TRIQK: variants seen among roughly 807,000 people sequenced by gnomAD.
The protein encoded by TRIQK is triple QxxK/R motif containing, also known as triple QxxK/R motif-containing protein.
Under a neutral mutation model 10.8 loss-of-function variants are expected in TRIQK, and 10 were observed. That is an observed-to-expected ratio of 0.92 (90% CI 0.57 to 1.57). The LOEUF (loss-of-function observed/expected upper bound fraction) is 1.57. Ranked by LOEUF, TRIQK falls within the 40% of genes most tolerant of loss-of-function variation. The pLI is 0.00. For synonymous variants in TRIQK, 33 were observed against 33.7 expected (o/e 0.98, Z 0.07); for missense variants, 107 against 97.7 (o/e 1.09, Z -0.40).
At chr8:92,933,106 G>C (rs1810817125) in intron 2 of TRIQK, among the ~76,000 whole-genome samples, 1 of 151,998 alleles carries the variant, frequency 6.6e-6, no homozygotes, top group Non-Finnish European at 1.5e-5. Flanking sequence ...TAAGGAGAGA[G>C]AGCTAGGAAA....
At chr8:92,943,425 T>C (rs1285594268) in intron 2 of TRIQK, among the ~76,000 whole-genome samples, 2 of 152,110 alleles carry the variant, frequency 1.3e-5, no homozygotes, top group Admixed American at 1.3e-4. Context: ...CTTTCAAATA[T>C]ACTATGAAGC....
rs1816324966 is a variant in TRIQK at position 92,883,704 on chromosome 8, A to G, written c.*2918T>C. The G allele has an allele frequency of 6.6e-6, 1 of 151,790 alleles. No homozygotes were observed. Among genetic ancestry groups the G allele is most frequent in the Admixed American group, 6.6e-5 (1 of 15,192 alleles). The allele number at this position is 151,790 out of a possible 1,614,324, so 9.4% of individuals were successfully genotyped here. ...CACTACTGCAATTACAGAAATGAGT[A>G]AGAACATACTCTCAAGATCTTACAG... On this transcript the variant is annotated 3_prime_UTR_variant, in exon 5 of 5. Coordinates refer to ENST00000521988, the MANE Select transcript of TRIQK (RefSeq NM_001171797.2).
Position 92,917,012 on chromosome 8 carries a change from TGAAAA to T in TRIQK, c.-21-7_-21-3del. The T allele has an allele frequency of 6.8e-7, 1 of 1,477,436 alleles. No homozygotes were observed. The highest frequency in any genetic ancestry group is 8.9e-7 in the Non-Finnish European group (1 of 1,122,270). The allele number at this position is 1,477,436 out of a possible 1,614,324, so 91.5% of individuals were successfully genotyped here. On this transcript the variant is annotated splice_region_variant and splice_polypyrimidine_tract_variant and intron_variant, in intron 2 of 4. Transcript: ENST00000521988. The stretch of plus-strand genomic sequence containing the variant: ...CATCTTTGATCTCCAAAATGCCTGC[TGAAAA>T]GAAAACAATTATAATGAAAATTTTT...
intron 1 of TRIQK, among the ~76,000 whole-genome samples, chr8:92,987,639 T>TGAA (rs1232382495): frequency 6.6e-6 from 1 of 152,160 alleles, no homozygotes; most frequent in Admixed American, 6.5e-5. Flanking sequence ...TTGTAGTGGG[T>TGAA]GAATATATGA....
At chr8:92,970,455 C>G (rs527736347), upstream of TRIQK, among the ~76,000 whole-genome samples, 11 of 152,262 alleles carry the variant, frequency 7.2e-5, no homozygotes, top group East Asian at 2.1e-3. Context: ...ACAGTCTCAC[C>G]AGCATCTGTT....
At chr8:92,893,036 C>T (rs1204055172) in intron 3 of TRIQK, among the ~76,000 whole-genome samples, 1 of 151,812 alleles carries the variant, frequency 6.6e-6, no homozygotes, top group African/African-American at 2.4e-5. Flanking sequence ...TTCATCTTTT[C>T]CCCTTCCTTT....
At chr8:92,911,117 C>A (rs1284286042) in intron 3 of TRIQK, among the ~76,000 whole-genome samples, 2 of 150,794 alleles carry the variant, frequency 1.3e-5, no homozygotes, top group African/African-American at 2.4e-5. Context: ...GGCTAAAAAT[C>A]AATTTGAGAA....
At chr8:92,960,098 C>A (rs1812374465) in intron 1 of TRIQK, among the ~76,000 whole-genome samples, 1 of 151,770 alleles carries the variant, frequency 6.6e-6, no homozygotes, top group African/African-American at 2.4e-5. Flanking sequence ...CCCTTTCTTC[C>A]TTCATAGGTC....
chr8:92,968,941 G>A (rs937066033), upstream of TRIQK, among the ~76,000 whole-genome samples: 5 of 152,072 alleles, frequency 3.3e-5, no homozygotes, highest in Admixed American at 2.6e-4. Flanking sequence ...TAGGTCTTAC[G>A]TTTAAGTCTT....
rs889605492 is a variant in TRIQK at position 92,883,834 on chromosome 8, T to C, written c.*2788A>G. ...TTAAAACAACTACCCACCCTACATTTGTACTAAAATAGGCTTTTGCTTGTT... is the reference window on the plus strand; with the variant it reads ...TTAAAACAACTACCCACCCTACATTCGTACTAAAATAGGCTTTTGCTTGTT... On this transcript the variant is annotated 3_prime_UTR_variant, in exon 5 of 5. Transcript: ENST00000521988. 2.6e-5 allele frequency: 4 copies of C among 151,734 alleles called. No individual in the cohort carries two copies. The highest frequency in any genetic ancestry group is 5.9e-5 in the Non-Finnish European group (4 of 67,816). 9.4% of individuals were successfully genotyped at this position (151,734 alleles called of 1,614,324 possible).
intron 1 of TRIQK, chr8:92,965,086 C>G (rs960525688): frequency 1.3e-4 from 20 of 152,122 alleles, no homozygotes; most frequent in Admixed American, 1.3e-3. Flanking sequence ...TCTGAGGTTA[C>G]CATCTCACAC....
At chr8:93,007,207 G>A (rs995947705) in intron 1 of TRIQK, among the ~76,000 whole-genome samples, 1 of 152,188 alleles carries the variant, frequency 6.6e-6, no homozygotes, top group African/African-American at 2.4e-5. Context: ...GGTACAGGAG[G>A]GGCCCAGACG....
At chr8:92,915,069 T>C (rs150918628) in intron 3 of TRIQK, among the ~76,000 whole-genome samples, 4 of 152,214 alleles carry the variant, frequency 2.6e-5, no homozygotes, top group African/African-American at 7.2e-5. Flanking sequence ...ATGGATGAAA[T>C]TGGAGGACAT....
chr8:92,974,719 A>G (rs1812912831), intron 1 of TRIQK: 1 of 152,262 alleles, frequency 6.6e-6, no homozygotes, highest in African/African-American at 2.4e-5. Flanking sequence ...GATGCTGGCC[A>G]GTGGCCCTGA....
At chr8:92,891,941 A>C (rs779097573) in intron 4 of TRIQK, 48 bp downstream of exon 4, 106 of 1,281,480 alleles carry the variant, frequency 8.3e-5, no homozygotes, top group Non-Finnish European at 1.1e-4. Flanking sequence ...TTAGAAAATG[A>C]AATGGCATGC....
rs142807153 is a variant in TRIQK at position 92,947,722 on chromosome 8, A to G, written c.-22+6684T>C. ...TTACTATTTCAATAATGAAGCCCATAAACTACATCCATTACTTAATTCTTT... is the reference window on the plus strand; with the variant it reads ...TTACTATTTCAATAATGAAGCCCATGAACTACATCCATTACTTAATTCTTT... On this transcript the variant is annotated intron_variant, in intron 2 of 4. Coordinates refer to ENST00000521988, the MANE Select transcript of TRIQK (RefSeq NM_001171797.2). Among the ~76,000 whole-genome samples, 458 of 152,202 alleles carry G rather than the reference A, an allele frequency of 3.0e-3. 16 individuals are homozygous for G. In the East Asian group the frequency reaches 0.062, roughly 21 times the overall value.
intron 1 of TRIQK, among the ~76,000 whole-genome samples, chr8:92,981,425 T>C (rs1029556918): frequency 6.6e-6 from 1 of 151,968 alleles, no homozygotes; most frequent in Non-Finnish European, 1.5e-5. Context: ...TATTATGTAT[T>C]TCTATTTCAA....
chr8:93,010,445 T>C (rs13438838), intron 1 of TRIQK, among the ~76,000 whole-genome samples: 21,454 of 151,992 alleles, frequency 0.14, 1,533 homozygotes, highest in East Asian at 0.19. Flanking sequence ...ATAAGAAGTA[T>C]TTCAATACAT....
At position 92,928,559 on chromosome 8, in the gene TRIQK, C is replaced by T. The variant is rs963314093; in HGVS notation, c.-21-11549G>A. Among the ~76,000 whole-genome samples the T allele has an allele frequency of 7.9e-5, 12 of 152,176 alleles. 1 individual carries two copies. The highest frequency in any genetic ancestry group is 7.2e-4 in the Admixed American group (11 of 15,274). On this transcript the variant is annotated intron_variant, in intron 2 of 4. Coordinates refer to ENST00000521988, the MANE Select transcript of TRIQK (RefSeq NM_001171797.2). ...TTAGGGGCTAAAGTATATGGATCTC[C>T]AGTTTTGTTTTGTTTTTAAATTTCC... is the stretch of plus-strand genomic sequence containing the variant.
Sources: allele counts gnomAD v4.1 joint callset (sites outside exome capture counted in the v4.1 genomes callset), GRCh38; gene constraint gnomAD v4.1.1; transcripts MANE v1.5; gene names NCBI Gene and HGNC (gene_info 2026-07-23, HGNC 2026-07-21).